CREB5: variants seen among roughly 807,000 people sequenced by gnomAD.
CREB5 encodes the protein cyclic AMP-responsive element-binding protein 5.
Under a neutral mutation model 57.1 loss-of-function variants are expected in CREB5, and 19 were observed. That is an observed-to-expected ratio of 0.33 (90% CI 0.23 to 0.49). CREB5 has a LOEUF of 0.49. CREB5 is among the 20% of genes least tolerant of loss of function. CREB5 has a pLI of 0.99. For missense variants in CREB5, 579 were observed against 671.6 expected, an observed-to-expected ratio of 0.86 and a Z score of 1.52; for synonymous variants, 238 against 238.3, an observed-to-expected ratio of 1.00 and a Z score of 0.01.
intron 1 of CREB5, among the ~76,000 whole-genome samples, chr7:28,342,313 T>C (rs1266690839): frequency 6.6e-6 from 1 of 152,168 alleles, no homozygotes; most frequent in African/African-American, 2.4e-5. Context: ...AGTAGGAAGA[T>C]CAAAGTGGTA....
At chr7:28,432,438 A>G (rs1406291467) in intron 1 of CREB5, among the ~76,000 whole-genome samples, 1 of 152,200 alleles carries the variant, frequency 6.6e-6, no homozygotes. Context: ...GCAGGCACAC[A>G]GTGGTCATCT....
chr7:28,443,100 G>T (rs73075805), intron 1 of CREB5, among the ~76,000 whole-genome samples: 2,247 of 152,248 alleles, frequency 0.015, 26 homozygotes, highest in African/African-American at 0.02. Context: ...AACCTAATTA[G>T]TCTACTAGTT....
chr7:28,657,740 A>T (rs961362357), intron 5 of CREB5, among the ~76,000 whole-genome samples: 1 of 149,198 alleles, frequency 6.7e-6, no homozygotes, highest in African/African-American at 2.5e-5. Flanking sequence ...AAAAAAAAAG[A>T]ATAAAATTGC....
At chr7:28,481,450 C>T (rs1261224819) in intron 1 of CREB5, among the ~76,000 whole-genome samples, 1 of 152,184 alleles carries the variant, frequency 6.6e-6, no homozygotes, top group Admixed American at 6.5e-5. Context: ...CCCAGGAACA[C>T]ACCCTCTTCA....
At chr7:28,753,587 T>C (rs1454361322) in intron 7 of CREB5, among the ~76,000 whole-genome samples, 3 of 152,212 alleles carry the variant, frequency 2.0e-5, no homozygotes, top group African/African-American at 7.2e-5. Flanking sequence ...GGGAGATAGA[T>C]TCATTGAAAT....
intron 7 of CREB5, among the ~76,000 whole-genome samples, chr7:28,751,925 A>T (rs565634071): frequency 2.5e-4 from 38 of 152,108 alleles, no homozygotes; most frequent in African/African-American, 8.9e-4. Context: ...ATTTCTTACG[A>T]GTACCGGTCA....
At chr7:28,797,174 G>A (rs1189613155) in intron 7 of CREB5, among the ~76,000 whole-genome samples, 1 of 152,134 alleles carries the variant, frequency 6.6e-6, no homozygotes, top group Non-Finnish European at 1.5e-5. Flanking sequence ...AGACATCAAA[G>A]TGCAATGTAT....
intron 7 of CREB5, among the ~76,000 whole-genome samples, chr7:28,776,955 C>CAA (rs1452382528): frequency 1.3e-5 from 2 of 152,180 alleles, no homozygotes; most frequent in African/African-American, 4.8e-5. Context: ...AATTAATGAA[C>CAA]ATTTGGCTTG....
intron 2 of CREB5, chr7:28,491,266 G>A (rs1012193654): frequency 6.1e-6 from 6 of 985,324 alleles, no homozygotes; most frequent in Non-Finnish European, 7.2e-6. Flanking sequence ...CAGAAGGGGT[G>A]AGCATGCTGG....
chr7:28,793,050 T>C (rs1360899552), intron 7 of CREB5, among the ~76,000 whole-genome samples: 1 of 152,122 alleles, frequency 6.6e-6, no homozygotes, highest in Admixed American at 6.6e-5. Context: ...GTAAGGCAGG[T>C]GCTTAAGAAT....
chr7:28,721,196 G>T (rs565712833), intron 6 of CREB5, among the ~76,000 whole-genome samples: 1 of 152,294 alleles, frequency 6.6e-6, no homozygotes, highest in African/African-American at 2.4e-5. Flanking sequence ...CACAACCAGG[G>T]TCGGTGGGAA....
chr7:28,637,520 A>G (rs1798471299), intron 5 of CREB5, among the ~76,000 whole-genome samples: 1 of 152,350 alleles, frequency 6.6e-6, no homozygotes, highest in Non-Finnish European at 1.5e-5. Flanking sequence ...TGGAGTTTGA[A>G]TAGAGGGGCA....
intron 5 of CREB5, among the ~76,000 whole-genome samples, chr7:28,575,614 C>A (rs1290887484): frequency 6.6e-6 from 1 of 152,238 alleles, no homozygotes; most frequent in Non-Finnish European, 1.5e-5. Flanking sequence ...CGGCTTGTCA[C>A]TGGTCCTCAG....
chr7:28,727,450 G>T (rs1803387752), intron 7 of CREB5, among the ~76,000 whole-genome samples: 1 of 152,078 alleles, frequency 6.6e-6, no homozygotes, highest in South Asian at 2.1e-4. Context: ...ATTCAAAGGG[G>T]AAAAGGAGGA....
intron 1 of CREB5, among the ~76,000 whole-genome samples, chr7:28,348,959 T>C (rs1007144029): frequency 1.1e-4 from 17 of 152,232 alleles, no homozygotes; most frequent in African/African-American, 4.1e-4. Flanking sequence ...ATTTCTTAAA[T>C]GATAGTATTA....
chr7:28,659,671 A>G (rs1184640760), intron 5 of CREB5, among the ~76,000 whole-genome samples: 1 of 152,232 alleles, frequency 6.6e-6, no homozygotes, highest in Non-Finnish European at 1.5e-5. Context: ...AATATGGACT[A>G]GATTAATTTG....
Position 28,809,227 on chromosome 7 carries a change from T to A in CREB5, c.1067T>A (p.Ile356Lys). Residue 356 changes from isoleucine (I) to lysine (K), a missense_variant, in exon 9 of 11, where the codon ATA becomes AAA. By Grantham distance (102) the Ile-to-Lys change is moderately radical. Coordinates refer to ENST00000357727, the MANE Select transcript of CREB5 (RefSeq NM_182898.4). ...ATQQMQPTQT[I>K]QPPQPTGGRR... ...CAACAGATGCAGCCAACCCAGACAATACAGCCACCCCAGCCCACAGGGGGG... is the reference window on the plus strand; with the variant it reads ...CAACAGATGCAGCCAACCCAGACAAAACAGCCACCCCAGCCCACAGGGGGG... 1 of 1,613,846 alleles carries A rather than the reference T, an allele frequency of 6.2e-7. No homozygotes were observed. The highest frequency in any genetic ancestry group is 8.5e-7 in the Non-Finnish European group (1 of 1,179,956).
intron 7 of CREB5, among the ~76,000 whole-genome samples, chr7:28,725,043 AT>A (rs1268027068): frequency 1.3e-5 from 2 of 152,222 alleles, no homozygotes; most frequent in African/African-American, 2.4e-5. Context: ...GAAATAGGTC[AT>A]TTAGTTTACA....
At chr7:28,746,732 T>G (rs1383102093) in intron 7 of CREB5, among the ~76,000 whole-genome samples, 1 of 152,238 alleles carries the variant, frequency 6.6e-6, no homozygotes, top group African/African-American at 2.4e-5. Context: ...GTAATGAAGC[T>G]TAATTGATTA....
Sources: allele counts gnomAD v4.1 joint callset (sites outside exome capture counted in the v4.1 genomes callset), GRCh38; gene constraint gnomAD v4.1.1; transcripts MANE v1.5; gene names NCBI Gene and HGNC (gene_info 2026-07-23, HGNC 2026-07-21).